The following GLYCTK variants were observed in gnomAD, a reference collection of about 807,000 sequenced individuals.
GLYCTK encodes HBeAg binding protein 4.
In GLYCTK, 22 loss-of-function variants were observed where a neutral mutation model predicts 24.8. The ratio of observed to expected loss-of-function variants is 0.89; its 90% confidence interval spans 0.63 to 1.27. GLYCTK has a LOEUF of 1.27. GLYCTK is among the 50% of genes most tolerant of loss of function. The probability of loss-of-function intolerance (pLI) is 0.00; values close to 1 mark genes in which losing one functional copy is unlikely to be tolerated. For synonymous variants in GLYCTK, 320 were observed against 297.2 expected, an observed-to-expected ratio of 1.08 and a Z score of -0.79; for missense variants, 684 against 686.7, an observed-to-expected ratio of 1.00 and a Z score of 0.04.
Position 52,292,610 on chromosome 3 carries a change from C to T in GLYCTK, c.1056C>T (p.Ala352=). The T allele has an allele frequency of 6.2e-7, 1 of 1,613,326 alleles. No homozygotes were observed. Among genetic ancestry groups the T allele is most frequent in the Non-Finnish European group, 8.5e-7 (1 of 1,179,566 alleles). ...TGGCCCAGTTCTACGGGCTGCTGGCCCATGTGGCTAGAACCCGCCTCACCC... is the reference window on the plus strand; with the variant it reads ...TGGCCCAGTTCTACGGGCTGCTGGCTCATGTGGCTAGAACCCGCCTCACCC... ...KSMAQFYGLL[A]HVARTRLTPS... The change falls in exon 5 of 5, where the codon GCC becomes GCT. Residue 352 remains alanine, a synonymous_variant. Coordinates refer to ENST00000436784, the MANE Select transcript of GLYCTK (RefSeq NM_145262.4).
Position 52,290,839 on chromosome 3 carries a change from G to A in GLYCTK, c.377+120G>A. On this transcript the variant is annotated intron_variant, in intron 2 of 4. Coordinates refer to ENST00000436784, the MANE Select transcript of GLYCTK (RefSeq NM_145262.4). Reference sequence around the variant, plus strand: ...TCCCATTTCTCCTGGATCTGGCCTGGCCCCAGGATGCATGTCAGTGGGCAT... The same window carrying A: ...TCCCATTTCTCCTGGATCTGGCCTGACCCCAGGATGCATGTCAGTGGGCAT... 7 of 1,583,456 alleles carry A rather than the reference G, an allele frequency of 4.4e-6. No individual in the cohort carries two copies. The South Asian group carries it at 7.8e-5, about 18-fold the overall frequency.
rs1018858371 is a variant in GLYCTK at position 52,295,210 on chromosome 3, G to C, written c.*2084G>C. 1 of 452,446 alleles carries C rather than the reference G, an allele frequency of 2.2e-6. No individual in the cohort carries two copies. Among genetic ancestry groups the C allele is most frequent in the South Asian group, 1.6e-5 (1 of 64,386 alleles). The allele number at this position is 452,446 out of a possible 1,614,324, so 28.0% of individuals were successfully genotyped here. On this transcript the variant is annotated 3_prime_UTR_variant, in exon 5 of 5. Coordinates refer to ENST00000436784, the MANE Select transcript of GLYCTK (RefSeq NM_145262.4). ...GAAAACCCTGCACAGTGAATGTTTT[G>C]ATAGGATTCATTACTTGCTCCATAA... is the stretch of plus-strand genomic sequence containing the variant.
rs1215385960 is a variant in GLYCTK, at chr3:52,293,392, T to C, written c.*266T>C. 4.5e-6 allele frequency: 3 copies of C among 673,492 alleles called. No individual in the cohort carries two copies. In the Admixed American group the frequency reaches 6.1e-5, roughly 14 times the overall value. 41.7% of individuals were successfully genotyped at this position (673,492 alleles called of 1,614,324 possible). ...GTTCAGCGTTCCCGTGCTTCTCCCT[T>C]GGGCAGCCTCTCTCTTGAGCCCCTC... On this transcript the variant is annotated 3_prime_UTR_variant, in exon 5 of 5. Transcript: ENST00000436784.
At chr3:52,290,909 G>A (rs1700445032) in intron 2 of GLYCTK, 51 bp from the exon 3 acceptor site, 1 of 1,611,542 alleles carries the variant, frequency 6.2e-7, no homozygotes, top group Non-Finnish European at 8.5e-7. Context: ...AGATCAGGTG[G>A]GAGGAGAGGA....
At position 52,294,199 on chromosome 3, in the gene GLYCTK, T is replaced by C. The variant is rs938844186; in HGVS notation, c.*1073T>C. The C allele has an allele frequency of 5.6e-6, 3 of 534,404 alleles. No homozygotes were observed. The highest frequency in any genetic ancestry group is 1.2e-5 in the Non-Finnish European group (3 of 260,044). The allele number at this position is 534,404 out of a possible 1,614,324, so 33.1% of individuals were successfully genotyped here. A position where few individuals can be genotyped will look rare whatever the true frequency, so the allele number is the denominator to read the frequency against. ...CCTCCTTTTGAGCCCCCTTGCTCAG[T>C]GTCAGAACCCTCCGCTGGCTGTCCC... On this transcript the variant is annotated 3_prime_UTR_variant, in exon 5 of 5. Transcript: ENST00000436784.
At chr3:52,288,940 G>A (rs1182231493) in intron 1 of GLYCTK, 1 of 152,178 alleles carries the variant, frequency 6.6e-6, no homozygotes, top group Non-Finnish European at 1.5e-5. Context: ...TGAGAACTAG[G>A]CAAGCAAAAT....
In GLYCTK at chr3:52,290,972, G is replaced by A. The variant is rs776272855; in HGVS notation, c.390G>A (p.Leu130=). The A allele has an allele frequency of 6.8e-6, 11 of 1,613,970 alleles. No individual in the cohort carries two copies. In the African/African-American group the frequency reaches 9.3e-5, roughly 14 times the overall value. Residue 130 remains leucine, a synonymous_variant, in exon 3 of 5, where the codon CTG becomes CTA. Coordinates refer to ENST00000436784, the MANE Select transcript of GLYCTK (RefSeq NM_145262.4). ...MERAGKQEML[L]KPHSRVQVFE... is the part of the protein sequence containing the mutation. ...TTTCCCTCCCCAGGGAGATGCTGCT[G>A]AAGCCACATAGCCGTGTCCAGGTAT...
chr3:52,294,882 T>G lies in GLYCTK; in HGVS notation c.*1756T>G. On this transcript the variant is annotated 3_prime_UTR_variant, in exon 5 of 5. Coordinates refer to ENST00000436784, the MANE Select transcript of GLYCTK (RefSeq NM_145262.4). Reference sequence around the variant, plus strand: ...GGTAGGTGTGTGAGTATACAGACGTTGGTGTTGGCGTACTCAGAGTGGGAA... The same window carrying G: ...GGTAGGTGTGTGAGTATACAGACGTGGGTGTTGGCGTACTCAGAGTGGGAA... The G allele has an allele frequency of 2.2e-6, 1 of 454,076 alleles. No homozygotes were observed. The highest frequency in any genetic ancestry group is 4.4e-6 in the Non-Finnish European group (1 of 226,782). 28.1% of individuals were successfully genotyped at this position (454,076 alleles called of 1,614,324 possible). A position where few individuals can be genotyped will look rare whatever the true frequency, so the allele number is the denominator to read the frequency against.
At position 52,292,376 on chromosome 3, in the gene GLYCTK, C is replaced by T. The variant is rs147241453; in HGVS notation, c.822C>T (p.Tyr274=). Residue 274 remains tyrosine, a synonymous_variant, in exon 5 of 5, where the codon TAC becomes TAT. Coordinates refer to ENST00000436784, the MANE Select transcript of GLYCTK (RefSeq NM_145262.4). ...ATTGCCTGCATATCCTCAATCGCTA[C>T]GGCCTCCGTGCAGCCCTGCCACGTT... ...VQDCLHILNR[Y]GLRAALPRSV... is the part of the protein sequence containing the mutation. 159 of 1,613,898 alleles carry T rather than the reference C, an allele frequency of 9.9e-5. No homozygotes were observed. The highest frequency in any genetic ancestry group is 1.1e-4 in the Non-Finnish European group (131 of 1,180,018).
chr3:52,288,931 G>A (rs557233866), intron 1 of GLYCTK: 14 of 152,304 alleles, frequency 9.2e-5, no homozygotes, highest in African/African-American at 3.1e-4. Context: ...CCGGAGAGCT[G>A]AGAACTAGGC....
Position 52,293,330 on chromosome 3 carries a change from C to T in GLYCTK, c.*204C>T, listed in dbSNP as rs934273983. 2.8e-6 allele frequency: 2 copies of T among 709,532 alleles called. No individual in the cohort carries two copies. The highest frequency in any genetic ancestry group is 5.1e-6 in the Non-Finnish European group (2 of 392,998). 44.0% of individuals were successfully genotyped at this position (709,532 alleles called of 1,614,324 possible). A position where few individuals can be genotyped will look rare whatever the true frequency, so the allele number is the denominator to read the frequency against. On this transcript the variant is annotated 3_prime_UTR_variant, in exon 5 of 5. Transcript: ENST00000436784. ...AGCCAGACTGGCAGATGGGGGCTTC[C>T]CCCTACCCCTGAGGATGAGGACAAG...
intron 4 of GLYCTK, 72 bp from the exon 5 acceptor site, chr3:52,292,188 G>A: frequency 1.3e-6 from 2 of 1,588,312 alleles, no homozygotes; most frequent in African/African-American, 1.3e-5. Context: ...ATACCCTAGG[G>A]GCAGTTTGTC....
chr3:52,293,122 G>A lies in GLYCTK; in HGVS notation c.1568G>A (p.Arg523Gln), dbSNP rs753363748. The change falls in exon 5 of 5, where the codon CGG (arginine) becomes CAG (glutamine). Residue 523 changes from arginine to glutamine, a missense_variant. By Grantham distance (43) the Arg-to-Gln change is conservative. Coordinates refer to ENST00000436784, the MANE Select transcript of GLYCTK (RefSeq NM_145262.4). ...MDTHLLFLRP[R>Q] The stretch of plus-strand genomic sequence containing the variant: ...ACCCACCTCTTGTTCCTGCGGCCTC[G>A]GTGATGGCATAGGTCACATTTTGGG... 17 of 1,613,492 alleles carry A rather than the reference G, an allele frequency of 1.1e-5. No individual in the cohort carries two copies. The highest frequency in any genetic ancestry group is 7.7e-5 in the South Asian group (7 of 91,084).
At position 52,290,305 on chromosome 3, in the gene GLYCTK, C is replaced by A; in HGVS notation, c.-38C>A. On this transcript the variant is annotated splice_region_variant and 5_prime_UTR_variant, in exon 2 of 5. Transcript: ENST00000436784. ...CTCAGTTGTGCTTTTTCCCTCTAGG[C>A]AGCCATGGGTGCCAGGCAGTGCTGA... is the stretch of plus-strand genomic sequence containing the variant. 6.3e-7 allele frequency: 1 copy of A among 1,584,168 alleles called. No homozygotes were observed. Among genetic ancestry groups the A allele is most frequent in the South Asian group, 1.1e-5 (1 of 90,212 alleles).
rs147924619 is a variant in GLYCTK, at chr3:52,292,980, G to A, written c.1426G>A (p.Glu476Lys). ...TPELASQAAA[E>K]GLDIATFLAH... ...TGAGCTTGCCAGCCAGGCTGCAGCT[G>A]AGGGCCTGGACATAGCCACCTTCCT... Residue 476 changes from glutamate (E) to lysine (K), a missense_variant, in exon 5 of 5, where the codon GAG (glutamate) becomes AAG (lysine). Coordinates refer to ENST00000436784, the MANE Select transcript of GLYCTK (RefSeq NM_145262.4). The A allele has an allele frequency of 4.2e-5, 67 of 1,614,138 alleles. No homozygotes were observed. The East Asian group carries it at 1.4e-3, about 34-fold the overall frequency.
Position 52,291,812 on chromosome 3 carries a change from A to C in GLYCTK, c.595A>C (p.Thr199Pro). 6.2e-7 allele frequency: 1 copy of C among 1,613,742 alleles called. No homozygotes were observed. The highest frequency in any genetic ancestry group is 8.5e-7 in the Non-Finnish European group (1 of 1,179,944). ...CACACTGGAGGAGAAGCAGACACTCACTAGACTGCTGGCAGCCCGTGGAGC... is the reference window on the plus strand; with the variant it reads ...CACACTGGAGGAGAAGCAGACACTCCCTAGACTGCTGGCAGCCCGTGGAGC... ...PVTLEEKQTL[T>P]RLLAARGATI... is the part of the protein sequence containing the mutation. The change falls in exon 4 of 5, where the codon ACT (threonine) becomes CCT (proline). Residue 199 changes from threonine to proline, a missense_variant. By Grantham distance (38) the Thr-to-Pro change is conservative. Transcript: ENST00000436784.
At position 52,293,292 on chromosome 3, in the gene GLYCTK, T is replaced by G. The variant is rs2293159; in HGVS notation, c.*166T>G. On this transcript the variant is annotated 3_prime_UTR_variant, in exon 5 of 5. Coordinates refer to ENST00000436784, the MANE Select transcript of GLYCTK (RefSeq NM_145262.4). The stretch of plus-strand genomic sequence containing the variant: ...TTCCACTCAGGGCCTCTGCTCTATA[T>G]CTATTCCCTTCCAGCCAGACTGGCA... 1 of 751,480 alleles carries G rather than the reference T, an allele frequency of 1.3e-6. No homozygotes were observed. Among genetic ancestry groups the G allele is most frequent in the Non-Finnish European group, 2.3e-6 (1 of 430,572 alleles). The allele number at this position is 751,480 out of a possible 1,614,324, so 46.6% of individuals were successfully genotyped here.
intron 3 of GLYCTK, 26 bp from the exon 4 acceptor site, chr3:52,291,721 A>G (rs2153220997): frequency 6.2e-7 from 1 of 1,612,098 alleles, no homozygotes; most frequent in African/African-American, 1.3e-5. Flanking sequence ...TAGCCCCTCT[A>G]CCTGATACCC....
At chr3:52,289,483 G>T (rs1019108801) in intron 1 of GLYCTK, among the ~76,000 whole-genome samples, 1 of 152,208 alleles carries the variant, frequency 6.6e-6, no homozygotes, top group Non-Finnish European at 1.5e-5. Flanking sequence ...GAACCAGAAG[G>T]CGTGTTCTTG....
Sources: gnomAD v4.1 joint callset for allele counts (sites outside exome capture counted in the v4.1 genomes callset) on GRCh38, gnomAD v4.1.1 for gene constraint, MANE v1.5 for transcripts, NCBI Gene and HGNC (gene_info 2026-07-23, HGNC 2026-07-21) for gene names.